Variants in SCARA5 observed in about 807,000 individuals in gnomAD.
SCARA5 encodes the protein scavenger receptor class A, member 5 (putative).
In SCARA5, 45 loss-of-function variants were observed where a neutral mutation model predicts 46.3. The ratio of observed to expected loss-of-function variants is 0.97; its 90% CI spans 0.76 to 1.24. The LOEUF is 1.24. SCARA5 is among the 50% of genes most tolerant of loss of function. The probability of loss-of-function intolerance (pLI) is 0.00; values close to 1 mark genes in which losing one functional copy is unlikely to be tolerated. For missense variants in SCARA5, 680 were observed against 689.0 expected (o/e 0.99, Z 0.15); for synonymous variants, 333 against 306.5 (o/e 1.09, Z -0.90).
intron 3 of SCARA5, among the ~76,000 whole-genome samples, chr8:27,941,453 A>G (rs1807943630): frequency 6.6e-6 from 1 of 152,210 alleles, no homozygotes; most frequent in South Asian, 2.1e-4. Flanking sequence ...GGGTTGTGTG[A>G]GGACTCAAGA....
chr8:27,922,286 A>G, intron 3 of SCARA5, 41 bp from the exon 4 acceptor site: 1 of 1,449,436 alleles, frequency 6.9e-7, no homozygotes, highest in East Asian at 2.5e-5. Flanking sequence ...ACCGCTGGGG[A>G]GGAAGGCCCC....
chr8:27,882,958 G>A (rs559714673), intron 7 of SCARA5, among the ~76,000 whole-genome samples: 78 of 151,890 alleles, frequency 5.1e-4, no homozygotes, highest in South Asian at 1.7e-3. Context: ...CCCCAACTGC[G>A]ACATGGGAAC....
At chr8:27,876,432 C>G (rs759840215) in intron 8 of SCARA5, among the ~76,000 whole-genome samples, 3 of 152,144 alleles carry the variant, frequency 2.0e-5, no homozygotes, top group Admixed American at 6.5e-5. Flanking sequence ...CTGGTGGGAT[C>G]TGCAGGACTC....
At chr8:27,923,721 G>A (rs1331327117) in intron 3 of SCARA5, among the ~76,000 whole-genome samples, 5 of 152,128 alleles carry the variant, frequency 3.3e-5, no homozygotes, top group Middle Eastern at 3.2e-3. Context: ...GACTACAGGT[G>A]CATGCCACCA....
At chr8:27,948,897 C>A (rs1808078361) in intron 3 of SCARA5, among the ~76,000 whole-genome samples, 2 of 152,240 alleles carry the variant, frequency 1.3e-5, no homozygotes, top group African/African-American at 2.4e-5. Flanking sequence ...GGTGTTATGG[C>A]CGTTTGTGTA....
At position 27,879,565 on chromosome 8, in the gene SCARA5, T is replaced by G. The variant is rs1359711981; in HGVS notation, c.1351+4A>C. On this transcript the variant is annotated splice_donor_region_variant and intron_variant, in intron 8 of 8. Transcript: ENST00000354914. ...TCATGTTTTTTGCCCTCAGAGCGCCTTACCTTGCCCGAATCGAGCTGTGCG... is the reference window on the plus strand; with the variant it reads ...TCATGTTTTTTGCCCTCAGAGCGCCGTACCTTGCCCGAATCGAGCTGTGCG... 6.2e-7 allele frequency: 1 copy of G among 1,605,330 alleles called. No homozygotes were observed. The highest frequency in any genetic ancestry group is 8.5e-7 in the Non-Finnish European group (1 of 1,179,836).
intron 7 of SCARA5, among the ~76,000 whole-genome samples, chr8:27,901,855 G>A (rs1807160400): frequency 6.6e-6 from 1 of 152,232 alleles, no homozygotes; most frequent in African/African-American, 2.4e-5. Context: ...CCCATCCCAG[G>A]GTCAGGAAGT....
intron 2 of SCARA5, among the ~76,000 whole-genome samples, chr8:27,977,568 A>G (rs1232609362): frequency 6.6e-6 from 1 of 152,096 alleles, no homozygotes; most frequent in Non-Finnish European, 1.5e-5. Flanking sequence ...CTCCTCATAC[A>G]CCAGTCATAT....
chr8:27,971,221 G>C (rs1808442881), intron 2 of SCARA5, among the ~76,000 whole-genome samples: 1 of 152,230 alleles, frequency 6.6e-6, no homozygotes. Context: ...GAATGAGGTT[G>C]GTGCGGAAGG....
chr8:27,945,293 G>T (rs929379140), intron 3 of SCARA5, among the ~76,000 whole-genome samples: 1 of 152,006 alleles, frequency 6.6e-6, no homozygotes, highest in Non-Finnish European at 1.5e-5. Context: ...GCTTTTGGTG[G>T]CAGGCATGTC....
intron 3 of SCARA5, among the ~76,000 whole-genome samples, chr8:27,930,472 G>A (rs921324073): frequency 1.3e-5 from 2 of 151,516 alleles, no homozygotes; most frequent in African/African-American, 2.4e-5. Flanking sequence ...GCGCGATCTC[G>A]GCTCACAGCA....
At chr8:27,931,224 G>C (rs531562944) in intron 3 of SCARA5, among the ~76,000 whole-genome samples, 1 of 152,306 alleles carries the variant, frequency 6.6e-6, no homozygotes, top group African/African-American at 2.4e-5. Flanking sequence ...CTGCACTCAG[G>C]GTGTGTGACC....
At chr8:27,885,598 G>GTC (rs1806882800) in intron 7 of SCARA5, among the ~76,000 whole-genome samples, 1 of 152,188 alleles carries the variant, frequency 6.6e-6, no homozygotes, top group Non-Finnish European at 1.5e-5. Context: ...GCTCCCCAGA[G>GTC]TCCAGGGCTT....
chr8:27,937,906 C>T (rs1807882827), intron 3 of SCARA5, among the ~76,000 whole-genome samples: 1 of 152,172 alleles, frequency 6.6e-6, no homozygotes, highest in Non-Finnish European at 1.5e-5. Context: ...ACTTAGTCAC[C>T]TCTTTAAAGT....
chr8:27,871,405 T>A lies in SCARA5; in HGVS notation c.*529A>T. On this transcript the variant is annotated 3_prime_UTR_variant, in exon 9 of 9. Transcript: ENST00000354914. ...CTGGCTTCTCCTCTATGTCACTTCC[T>A]CAAACTAGCAAATGGGGAGCAGAGG... is the stretch of plus-strand genomic sequence containing the variant. 1 of 987,340 alleles carries A rather than the reference T, an allele frequency of 1.0e-6. No homozygotes were observed. Among genetic ancestry groups the A allele is most frequent in the Non-Finnish European group, 1.2e-6 (1 of 831,004 alleles). 61.2% of individuals were successfully genotyped at this position (987,340 alleles called of 1,614,324 possible). A position where few individuals can be genotyped will look rare whatever the true frequency, so the allele number is the denominator to read the frequency against.
intron 1 of SCARA5, among the ~76,000 whole-genome samples, chr8:27,989,197 G>T (rs1167160229): frequency 7.7e-6 from 1 of 129,580 alleles, no homozygotes; most frequent in Non-Finnish European, 1.5e-5. Flanking sequence ...TGGCAGTGGT[G>T]CAGTCTTGGC....
intron 5 of SCARA5, 117 bp downstream of exon 5, chr8:27,909,546 G>A (rs1300818418): frequency 3.0e-6 from 2 of 670,470 alleles, no homozygotes; most frequent in African/African-American, 1.8e-5. Context: ...GAGCGTTTGA[G>A]GCGGAGTTGA....
At chr8:27,914,358 G>A (rs1807426784) in intron 4 of SCARA5, among the ~76,000 whole-genome samples, 1 of 152,208 alleles carries the variant, frequency 6.6e-6, no homozygotes, top group Non-Finnish European at 1.5e-5. Context: ...TGTACCATGG[G>A]CAGAGCCCCC....
chr8:27,905,523 T>TGGCCGGGGG (rs751627046), intron 6 of SCARA5, among the ~76,000 whole-genome samples: 1 of 53,638 alleles, frequency 1.9e-5, no homozygotes. Context: ...ATCCAAGATT[T>TGGCCGGGGG]GGGGGGGGGA....
Sources: allele counts gnomAD v4.1 joint callset (sites outside exome capture counted in the v4.1 genomes callset), GRCh38; gene constraint gnomAD v4.1.1; transcripts MANE v1.5; gene names NCBI Gene and HGNC (gene_info 2026-07-23, HGNC 2026-07-21).